Variants in CADPS2 observed in about 807,000 individuals in gnomAD.
CADPS2 encodes the protein calcium-dependent secretion activator 2.
A neutral mutation model predicts 172.5 loss-of-function variants in CADPS2; 93 were observed. That is an observed-to-expected ratio of 0.54 (90% CI 0.46 to 0.64). The LOEUF (loss-of-function observed/expected upper bound fraction) is 0.64. Among genes scored for constraint, CADPS2 ranks in the 30% least tolerant of loss-of-function variants. CADPS2 has a pLI of 0.00. For missense variants in CADPS2, 1,420 were observed against 1,565.9 expected, an observed-to-expected ratio of 0.91 and a Z score of 1.57; for synonymous variants, 546 against 555.2, an observed-to-expected ratio of 0.98 and a Z score of 0.23.
chr7:122,332,059 T>A (rs2035041468), intron 28 of CADPS2: 1 of 152,210 alleles, frequency 6.6e-6, no homozygotes, highest in Non-Finnish European at 1.5e-5. Flanking sequence ...AGAAGGTACC[T>A]ATTAATTATT....
intron 3 of CADPS2, among the ~76,000 whole-genome samples, chr7:122,645,592 TTATATA>T (rs74221978): frequency 8.1e-6 from 1 of 123,654 alleles, no homozygotes; most frequent in South Asian, 2.5e-4. Flanking sequence ...GCTATAGAGA[TTATATA>T]TATATATACA....
intron 6 of CADPS2, among the ~76,000 whole-genome samples, chr7:122,607,677 T>G (rs778697513): frequency 2.6e-5 from 4 of 152,182 alleles, no homozygotes; most frequent in Admixed American, 6.6e-5. Context: ...CCTCTCATTT[T>G]AAAGATCCCC....
At chr7:122,549,714 T>A (rs1431145295) in intron 8 of CADPS2, among the ~76,000 whole-genome samples, 2 of 152,114 alleles carry the variant, frequency 1.3e-5, no homozygotes, top group Admixed American at 6.6e-5. Context: ...TAAGCCAGGC[T>A]GGGCCAAGTT....
At chr7:122,492,135 G>A (rs2058347067) in intron 9 of CADPS2, among the ~76,000 whole-genome samples, 1 of 151,974 alleles carries the variant, frequency 6.6e-6, no homozygotes, top group Non-Finnish European at 1.5e-5. Flanking sequence ...TCGCGCCATT[G>A]CACCCCAGCC....
At chr7:122,784,897 C>A (rs966898259) in intron 1 of CADPS2, among the ~76,000 whole-genome samples, 1 of 152,086 alleles carries the variant, frequency 6.6e-6, no homozygotes, top group East Asian at 1.9e-4. Context: ...ATAATTATTA[C>A]CTTTCCTATT....
At chr7:122,588,302 C>T (rs1422438273) in intron 6 of CADPS2, among the ~76,000 whole-genome samples, 2 of 151,608 alleles carry the variant, frequency 1.3e-5, no homozygotes, top group Admixed American at 6.6e-5. Flanking sequence ...GTATTGCCTA[C>T]ATTTTCTTCT....
At chr7:122,563,682 A>AACATACGGTGGTCG (rs1188394910) in intron 7 of CADPS2, among the ~76,000 whole-genome samples, 8 of 152,156 alleles carry the variant, frequency 5.3e-5, no homozygotes, top group Non-Finnish European at 7.3e-5. Context: ...GTCAATCCAT[A>AACATACGGTGGTCG]ACATACGGTG....
chr7:122,776,704 T>C (rs1447648986), intron 1 of CADPS2, among the ~76,000 whole-genome samples: 1 of 152,200 alleles, frequency 6.6e-6, no homozygotes, highest in East Asian at 1.9e-4. Context: ...ACTTGTTGAA[T>C]GGCTTTGACC....
intron 18 of CADPS2, 46 bp downstream of exon 18, chr7:122,416,015 G>T: frequency 8.2e-7 from 1 of 1,223,260 alleles, no homozygotes; most frequent in Non-Finnish European, 1.1e-6. Flanking sequence ...CAACCATGGT[G>T]AAGCCTTACA....
At chr7:122,501,023 G>A (rs1039265431) in intron 9 of CADPS2, among the ~76,000 whole-genome samples, 3 of 152,120 alleles carry the variant, frequency 2.0e-5, no homozygotes, top group Non-Finnish European at 4.4e-5. Context: ...GGGAGGCTGA[G>A]GTGAGATGAT....
At chr7:122,845,254 A>C (rs949054369) in intron 1 of CADPS2, among the ~76,000 whole-genome samples, 1 of 152,172 alleles carries the variant, frequency 6.6e-6, no homozygotes, top group African/African-American at 2.4e-5. Context: ...TGTGTGTGCT[A>C]AGATGTGACC....
intron 1 of CADPS2, among the ~76,000 whole-genome samples, chr7:122,805,470 T>C (rs1441765458): frequency 6.6e-6 from 1 of 152,206 alleles, no homozygotes; most frequent in East Asian, 1.9e-4. Context: ...CAATTATTTT[T>C]ATTGTTTACT....
intron 4 of CADPS2, among the ~76,000 whole-genome samples, chr7:122,625,238 C>T (rs905589720): frequency 5.9e-5 from 9 of 151,722 alleles, no homozygotes; most frequent in South Asian, 2.1e-4. Flanking sequence ...TTAGTAGAGA[C>T]GGGGTTTCTC....
At chr7:122,339,010 C>T (rs10229985) in intron 28 of CADPS2, 22,848 of 147,916 alleles carry the variant, frequency 0.15, 1,773 homozygotes, top group African/African-American at 0.17. Flanking sequence ...AGTGATCATT[C>T]TCACGTTGAC....
At chr7:122,817,027 T>C (rs954180925) in intron 1 of CADPS2, among the ~76,000 whole-genome samples, 2 of 150,056 alleles carry the variant, frequency 1.3e-5, no homozygotes, top group Admixed American at 1.3e-4. Context: ...AATTTTCCTT[T>C]ACCTACTCAA....
At chr7:122,868,171 A>T (rs1266727233) in intron 1 of CADPS2, among the ~76,000 whole-genome samples, 3 of 152,014 alleles carry the variant, frequency 2.0e-5, no homozygotes, top group East Asian at 1.9e-4. Context: ...CACTTGAGTG[A>T]CTGGCTCCTA....
intron 1 of CADPS2, among the ~76,000 whole-genome samples, chr7:122,738,735 CA>C (rs2092314103): frequency 1.3e-5 from 2 of 148,718 alleles, no homozygotes; most frequent in South Asian, 2.2e-4. Context: ...CAAGCTCTTT[CA>C]AAAAATGGGT....
intron 9 of CADPS2, among the ~76,000 whole-genome samples, chr7:122,501,889 AAAAAAAAAAGG>A (rs1379991672): frequency 4.6e-5 from 7 of 150,814 alleles, no homozygotes; most frequent in Non-Finnish European, 1.0e-4. Flanking sequence ...AAAAAAAAAA[AAAAAAAAAAGG>A]AAAAAAAAAG....
In CADPS2 at chr7:122,394,489, T is replaced by C. The variant is rs10266367; in HGVS notation, c.2747-907A>G. Among the ~76,000 whole-genome samples the C allele has an allele frequency of 3.6e-3, 552 of 152,282 alleles. 4 individuals carry two copies. The highest frequency in any genetic ancestry group is 0.012 in the African/African-American group (516 of 41,558). ...CTCAAAGAACATGTCCTAAGCCCCA[T>C]TGTGGCCCTCAAAGTGAAAATGTGC... On this transcript the variant is annotated intron_variant, in intron 20 of 29. Coordinates refer to ENST00000449022, the MANE Select transcript of CADPS2 (RefSeq NM_017954.11).
Sources: gnomAD v4.1 joint callset for allele counts (sites outside exome capture counted in the v4.1 genomes callset) on GRCh38, gnomAD v4.1.1 for gene constraint, MANE v1.5 for transcripts, NCBI Gene and HGNC (gene_info 2026-07-23, HGNC 2026-07-21) for gene names.